The following HOXC10 variants were observed in gnomAD, a reference collection of about 807,000 sequenced individuals.
HOXC10 encodes homeobox protein Hox-C10.
A neutral mutation model predicts 26.0 loss-of-function variants in HOXC10; 15 were observed. That is an observed-to-expected ratio of 0.58 (90% confidence interval 0.39 to 0.89). The LOEUF is 0.89. Ranked by LOEUF, HOXC10 falls within the 40% of genes least tolerant of loss-of-function variation. HOXC10 has a pLI of 0.00. For missense variants in HOXC10, 446 were observed against 451.9 expected, an observed-to-expected ratio of 0.99 and a Z score of 0.12; for synonymous variants, 196 against 185.5, an observed-to-expected ratio of 1.06 and a Z score of -0.46.
At chr12:53,986,268 C>A (rs999941453) in intron 1 of HOXC10, 5 of 410,122 alleles carry the variant, frequency 1.2e-5, no homozygotes, top group Non-Finnish European at 1.7e-5. Flanking sequence ...CACCGCGGGC[C>A]GCCTGCAGGC....
In HOXC10 at chr12:53,989,609, CT is replaced by C; in HGVS notation, c.*164del. ...CCTTCCAAGGGACCTGTGGTTCGTGCTGCGAAGATGCTTCCACTTAAAGCAT... is the reference window on the plus strand; with the variant it reads ...CCTTCCAAGGGACCTGTGGTTCGTGCGCGAAGATGCTTCCACTTAAAGCAT... On this transcript the variant is annotated 3_prime_UTR_variant, in exon 2 of 2. Transcript: ENST00000303460. The C allele has an allele frequency of 1.4e-6, 1 of 694,888 alleles. No individual in the cohort carries two copies. The allele number at this position is 694,888 out of a possible 1,614,324, so 43.0% of individuals were successfully genotyped here.
Position 53,985,245 on chromosome 12 carries a change from C to G in HOXC10, c.-15C>G, listed in dbSNP as rs745400287. On this transcript the variant is annotated 5_prime_UTR_variant, in exon 1 of 2. Transcript: ENST00000303460. ...CCGCTGTAGTATTGCTCCTTAAAAA[C>G]CCCTCTCTCTGAAAATGACATGCCC... The G allele has an allele frequency of 2.1e-6, 3 of 1,462,246 alleles. No homozygotes were observed. Among genetic ancestry groups the G allele is most frequent in the South Asian group, 1.4e-5 (1 of 74,020 alleles). 90.6% of individuals were successfully genotyped at this position (1,462,246 alleles called of 1,614,324 possible).
chr12:53,989,353 C>A lies in HOXC10; in HGVS notation c.936C>A (p.Val312=), dbSNP rs1939481407. ...CCATTAACCTTACAGACAGACAAGTCAAAATCTGGTTTCAAAATCGCAGAA... is the reference window on the plus strand; with the variant it reads ...CCATTAACCTTACAGACAGACAAGTAAAAATCTGGTTTCAAAATCGCAGAA... ...SKTINLTDRQ[V]KIWFQNRRMK... Residue 312 remains valine, a synonymous_variant, in exon 2 of 2, where the codon GTC becomes GTA. Transcript: ENST00000303460. The A allele has an allele frequency of 6.2e-7, 1 of 1,613,984 alleles. No homozygotes were observed. The highest frequency in any genetic ancestry group is 1.3e-5 in the African/African-American group (1 of 74,900).
At chr12:53,989,079 G>A in intron 1 of HOXC10, 90 bp from the exon 2 acceptor site, 1 of 1,248,840 alleles carries the variant, frequency 8.0e-7, no homozygotes, top group Non-Finnish European at 1.1e-6. Flanking sequence ...TGCTCCCTCA[G>A]CCACCCCACA....
Position 53,989,151 on chromosome 12 carries a change from T to A in HOXC10, c.752-18T>A. On this transcript the variant is annotated intron_variant, in intron 1 of 1. Transcript: ENST00000303460. ...CGACTTCGAGGGATACTTATGTAAATAATGTTATTTTTAACAGAGGAGATA... is the reference window on the plus strand; with the variant it reads ...CGACTTCGAGGGATACTTATGTAAAAAATGTTATTTTTAACAGAGGAGATA... 6.3e-7 allele frequency: 1 copy of A among 1,585,464 alleles called. No individual in the cohort carries two copies. Among genetic ancestry groups the A allele is most frequent in the Non-Finnish European group, 8.6e-7 (1 of 1,167,782 alleles).
chr12:53,989,112 G>T, intron 1 of HOXC10, 57 bp from the exon 2 acceptor site: 2 of 1,497,312 alleles, frequency 1.3e-6, no homozygotes, highest in Non-Finnish European at 1.8e-6. Flanking sequence ...AGGCTGCAGC[G>T]CTGAGAGGGT....
chr12:53,987,163 G>A (rs1224725320), intron 1 of HOXC10, among the ~76,000 whole-genome samples: 1 of 152,210 alleles, frequency 6.6e-6, no homozygotes, highest in African/African-American at 2.4e-5. Flanking sequence ...GAGCGGAGCA[G>A]GCTGGGGGCG....
rs199660010 is a variant in HOXC10 at position 53,989,307 on chromosome 12, G to A, written c.890G>A (p.Arg297His). 15 of 1,614,158 alleles carry A rather than the reference G, an allele frequency of 9.3e-6. No homozygotes were observed. Among genetic ancestry groups the A allele is most frequent in the Admixed American group, 8.3e-5 (5 of 60,032 alleles). Residue 297 changes from arginine (R) to histidine (H), a missense_variant, in exon 2 of 2, where the codon CGC becomes CAC. Physicochemically the swap from Arg to His is conservative, Grantham distance 29. Transcript: ENST00000303460. ...TTCAATATGTATTTGACGCGAGAGC[G>A]CCGCCTGGAGATTAGCAAGACCATT... The part of the protein sequence containing the change: ...FLFNMYLTRE[R>H]RLEISKTINL...
At chr12:53,986,215 T>G in intron 1 of HOXC10, 1 of 594,000 alleles carries the variant, frequency 1.7e-6, no homozygotes, top group Non-Finnish European at 2.8e-6. Flanking sequence ...CGTGGAGGTG[T>G]CGGCCCTGCC....
Position 53,989,387 on chromosome 12 carries a change from A to C in HOXC10, c.970A>C (p.Lys324Gln). ...IWFQNRRMKL[K>Q]KMNRENRIRE... ...GTTTCAAAATCGCAGAATGAAACTC[A>C]AGAAAATGAACCGAGAGAATCGGAT... Residue 324 changes from lysine (K) to glutamine (Q), a missense_variant, in exon 2 of 2, where the codon AAG (lysine) becomes CAG (glutamine). Coordinates refer to ENST00000303460, the MANE Select transcript of HOXC10 (RefSeq NM_017409.4). 1 of 1,614,062 alleles carries C rather than the reference A, an allele frequency of 6.2e-7. No homozygotes were observed.
Position 53,985,582 on chromosome 12 carries a change from A to G in HOXC10, c.323A>G (p.Glu108Gly). ...TCCTACCCACCTAGTGTCAAGGAGGAGAATGTCTGCTGCATGTACAGCGCA... is the reference window on the plus strand; with the variant it reads ...TCCTACCCACCTAGTGTCAAGGAGGGGAATGTCTGCTGCATGTACAGCGCA... Reference protein sequence around the residue: ...SCSYPPSVKEENVCCMYSAEK... With the variant: ...SCSYPPSVKEGNVCCMYSAEK... The change falls in exon 1 of 2, where the codon GAG becomes GGG. Residue 108 changes from glutamate (E) to glycine (G), a missense_variant. Glu to Gly is a moderately conservative substitution (Grantham distance 98, BLOSUM62 -2). Transcript: ENST00000303460. The G allele has an allele frequency of 6.2e-7, 1 of 1,613,830 alleles. No homozygotes were observed. The highest frequency in any genetic ancestry group is 8.5e-7 in the Non-Finnish European group (1 of 1,180,012).
chr12:53,985,354 A>T lies in HOXC10; in HGVS notation c.95A>T (p.Tyr32Phe). 2.5e-6 allele frequency: 4 copies of T among 1,614,052 alleles called. No individual in the cohort carries two copies. The highest frequency in any genetic ancestry group is 3.4e-6 in the Non-Finnish European group (4 of 1,179,972). Residue 32 changes from tyrosine (Y) to phenylalanine (F), a missense_variant, in exon 1 of 2, where the codon TAT (tyrosine) becomes TTT (phenylalanine). Coordinates refer to ENST00000303460, the MANE Select transcript of HOXC10 (RefSeq NM_017409.4). ...CGCTATAGCCGGAGCGCAGGCATGT[A>T]TATGCAGTCTGGGAGTGACTTCAAT... ...GERYSRSAGM[Y>F]MQSGSDFNCG... is the part of the protein sequence containing the mutation.
intron 1 of HOXC10, chr12:53,986,813 G>A (rs1368853637): frequency 6.6e-6 from 1 of 152,226 alleles, no homozygotes; most frequent in East Asian, 1.9e-4. Flanking sequence ...TGCGTGGCAA[G>A]AGGTTTTCTC....
At chr12:53,988,093 A>C (rs908126495) in intron 1 of HOXC10, among the ~76,000 whole-genome samples, 2 of 152,172 alleles carry the variant, frequency 1.3e-5, no homozygotes, top group East Asian at 1.9e-4. Flanking sequence ...CCATCAGCAG[A>C]GTCCTTTGCT....
intron 1 of HOXC10, chr12:53,986,292 C>G: frequency 3.0e-6 from 1 of 338,064 alleles, no homozygotes; most frequent in East Asian, 5.3e-5. Flanking sequence ...GTGTGCTGCA[C>G]CGGACGGGTG....
In HOXC10 at chr12:53,985,526, A is replaced by G. The variant is rs1220285797; in HGVS notation, c.267A>G (p.Glu89=). 1 of 1,613,898 alleles carries G rather than the reference A, an allele frequency of 6.2e-7. No individual in the cohort carries two copies. The highest frequency in any genetic ancestry group is 2.2e-5 in the East Asian group (1 of 44,876). ...ACCCCAAAGCCGCCTATCGCCTGGA[A>G]CAACCTGTTGGCAGGCCGCTGTCCT... ...WGDPKAAYRL[E]QPVGRPLSSC... Residue 89 remains glutamate, a synonymous_variant, in exon 1 of 2, where the codon GAA becomes GAG. Transcript: ENST00000303460.
At position 53,985,602 on chromosome 12, in the gene HOXC10, A is replaced by G; in HGVS notation, c.343A>G (p.Ser115Gly). Residue 115 changes from serine (S) to glycine (G), a missense_variant, in exon 1 of 2, where the codon AGC becomes GGC. Physicochemically the swap from Ser to Gly is moderately conservative, Grantham distance 56. Transcript: ENST00000303460. ...GGAGGAGAATGTCTGCTGCATGTAC[A>G]GCGCAGAGAAGCGGGCGAAAAGTGG... ...VKEENVCCMY[S>G]AEKRAKSGPE... 1.2e-6 allele frequency: 2 copies of G among 1,613,888 alleles called. No individual in the cohort carries two copies. Among genetic ancestry groups the G allele is most frequent in the Non-Finnish European group, 1.7e-6 (2 of 1,180,028 alleles).
rs1278025127 is a variant in HOXC10, at chr12:53,985,570, GTGTCAAGGAGGAGAA to G, written c.316_330del (p.Lys106_Val110del). 7.4e-6 allele frequency: 12 copies of G among 1,613,784 alleles called. No individual in the cohort carries two copies. Among genetic ancestry groups the G allele is most frequent in the Non-Finnish European group, 1.0e-5 (12 of 1,180,052 alleles). The stretch of plus-strand genomic sequence containing the variant: ...CTGTCCTCCTGCTCCTACCCACCTA[GTGTCAAGGAGGAGAA>G]TGTCTGCTGCATGTACAGCGCAGAG... On this transcript the variant is annotated inframe_deletion, in exon 1 of 2. Transcript: ENST00000303460.
rs1939487219 is a variant in HOXC10 at position 53,989,634 on chromosome 12, A to G, written c.*188A>G. 3.2e-6 allele frequency: 2 copies of G among 629,248 alleles called. No individual in the cohort carries two copies. Among genetic ancestry groups the G allele is most frequent in the African/African-American group, 1.8e-5 (1 of 54,366 alleles). 39.0% of individuals were successfully genotyped at this position (629,248 alleles called of 1,614,324 possible). A position where few individuals can be genotyped will look rare whatever the true frequency, so the allele number is the denominator to read the frequency against. On this transcript the variant is annotated 3_prime_UTR_variant, in exon 2 of 2. Transcript: ENST00000303460. Reference sequence around the variant, plus strand: ...CTGCGAAGATGCTTCCACTTAAAGCATGAGAAATGGGGTGCCGGGATGTGG... The same window carrying G: ...CTGCGAAGATGCTTCCACTTAAAGCGTGAGAAATGGGGTGCCGGGATGTGG...
Sources: gnomAD v4.1 joint callset for allele counts (sites outside exome capture counted in the v4.1 genomes callset) on GRCh38, gnomAD v4.1.1 for gene constraint, MANE v1.5 for transcripts, NCBI Gene and HGNC (gene_info 2026-07-23, HGNC 2026-07-21) for gene names.